ADCY10: variants seen among roughly 807,000 people sequenced by gnomAD.
ADCY10 encodes adenylate cyclase 10, also known as adenylate cyclase type 10.
In ADCY10, 156 loss-of-function variants were observed where a neutral mutation model predicts 183.3. The observed-to-expected ratio is 0.85, with a 90% CI of 0.75 to 0.97. The LOEUF (loss-of-function observed/expected upper bound fraction) is 0.97. Among genes scored for constraint, ADCY10 ranks in the 50% least tolerant of loss-of-function variants. The pLI is 0.00. For synonymous variants in ADCY10, 645 were observed against 670.0 expected, an observed-to-expected ratio of 0.96 and a Z score of 0.58; for missense variants, 1,745 against 1,934.3, an observed-to-expected ratio of 0.90 and a Z score of 1.84.
chr1:167,840,733 G>A (rs1664562953), intron 21 of ADCY10, among the ~76,000 whole-genome samples: 1 of 141,762 alleles, frequency 7.1e-6, no homozygotes. Flanking sequence ...ACTACAAGGA[G>A]AATCTGTAAA....
intron 3 of ADCY10, 45 bp from the exon 4 acceptor site, chr1:167,902,099 G>A (rs893947303): frequency 2.5e-6 from 4 of 1,570,538 alleles, no homozygotes; most frequent in Middle Eastern, 1.7e-4. Context: ...ATTCCTTAAA[G>A]GTAGTAAAAA....
intron 26 of ADCY10, among the ~76,000 whole-genome samples, chr1:167,827,906 T>G (rs116326077): frequency 0.043 from 6,530 of 151,662 alleles, 213 homozygotes; most frequent in East Asian, 0.15. Context: ...TAAAGATAGG[T>G]TTTCCCCATG....
At chr1:167,886,298 T>C (rs1376219557) in intron 8 of ADCY10, among the ~76,000 whole-genome samples, 1 of 152,090 alleles carries the variant, frequency 6.6e-6, no homozygotes, top group Non-Finnish European at 1.5e-5. Flanking sequence ...CTTCAAACTA[T>C]ACTACAAGGC....
At chr1:167,858,904 AT>A (rs869113654) in intron 16 of ADCY10, among the ~76,000 whole-genome samples, 1 of 112,510 alleles carries the variant, frequency 8.9e-6, no homozygotes, top group Non-Finnish European at 1.9e-5. Context: ...CCAGGAAAAA[AT>A]GATAAGAGCC....
intron 5 of ADCY10, among the ~76,000 whole-genome samples, chr1:167,899,948 T>G (rs549067857): frequency 2.0e-5 from 3 of 152,228 alleles, no homozygotes; most frequent in Non-Finnish European, 4.4e-5. Flanking sequence ...AGGGAATACC[T>G]TTAATAATTC....
chr1:167,813,897 A>G (rs1031407854), intron 31 of ADCY10, among the ~76,000 whole-genome samples: 9 of 152,262 alleles, frequency 5.9e-5, no homozygotes, highest in African/African-American at 1.7e-4. Context: ...AAAGGAGTGG[A>G]GTTCTTTGTG....
chr1:167,841,613 T>C (rs1427208933), intron 21 of ADCY10, among the ~76,000 whole-genome samples: 1 of 143,986 alleles, frequency 6.9e-6, no homozygotes, highest in Non-Finnish European at 1.5e-5. Flanking sequence ...GCTCAAGCAA[T>C]ACTCTTGAGT....
Position 167,828,055 on chromosome 1 carries a change from C to T in ADCY10, c.3750+1212G>A, listed in dbSNP as rs551311524. On this transcript the variant is annotated intron_variant, in intron 26 of 32. Coordinates refer to ENST00000367851, the MANE Select transcript of ADCY10 (RefSeq NM_018417.6). ...TTGTGACAGGAAAAATAGTGAAAGA[C>T]CTTAAAATGGGCAAAAACACAACTT... is the stretch of plus-strand genomic sequence containing the variant. Among the ~76,000 whole-genome samples, 7 of 152,254 alleles carry T rather than the reference C, an allele frequency of 4.6e-5. No individual in the cohort carries two copies. In the South Asian group the frequency reaches 1.2e-3, roughly 27 times the overall value.
At chr1:167,828,065 G>A (rs891264625) in intron 26 of ADCY10, among the ~76,000 whole-genome samples, 3 of 152,082 alleles carry the variant, frequency 2.0e-5, no homozygotes, top group African/African-American at 7.2e-5. Flanking sequence ...CCTTAAAATG[G>A]GCAAAAACAC....
chr1:167,870,182 A>G lies in ADCY10; in HGVS notation c.1616+75T>C, dbSNP rs74120520. 10,520 of 1,536,930 alleles carry G rather than the reference A, an allele frequency of 6.8e-3. 547 individuals are homozygous for G. In the African/African-American group the frequency reaches 0.12, roughly 18 times the overall value. Reference sequence around the variant, plus strand: ...ATAGATAATTTACATAAGGCAAGTTATAGGAAGGAGAGGAGCATCAAAATA... The same window carrying G: ...ATAGATAATTTACATAAGGCAAGTTGTAGGAAGGAGAGGAGCATCAAAATA... On this transcript the variant is annotated intron_variant, in intron 14 of 32. Coordinates refer to ENST00000367851, the MANE Select transcript of ADCY10 (RefSeq NM_018417.6).
intron 8 of ADCY10, among the ~76,000 whole-genome samples, chr1:167,891,439 G>A (rs1037349798): frequency 2.6e-5 from 4 of 151,652 alleles, no homozygotes; most frequent in Non-Finnish European, 2.9e-5. Flanking sequence ...GGAAGATCAC[G>A]AGGTCAGGAG....
Position 167,901,692 on chromosome 1 carries a change from C to G in ADCY10, c.406G>C (p.Glu136Gln). 6.2e-7 allele frequency: 1 copy of G among 1,614,158 alleles called. No individual in the cohort carries two copies. Among genetic ancestry groups the G allele is most frequent in the Non-Finnish European group, 8.5e-7 (1 of 1,180,024 alleles). Reference sequence around the variant, plus strand: ...TTGACTCGGATGTCTAGGCCTTCTTCCCACTCCTGGGTCTCAAACAATCCA... The same window carrying G: ...TTGACTCGGATGTCTAGGCCTTCTTGCCACTCCTGGGTCTCAAACAATCCA... ...IHGLFETQEW[E>Q]EGLDIRVKIG... The change falls in exon 5 of 33, where the codon GAA becomes CAA. Residue 136 changes from glutamate to glutamine, a missense_variant. Glu to Gln is a conservative substitution (Grantham distance 29). Coordinates refer to ENST00000367851, the MANE Select transcript of ADCY10 (RefSeq NM_018417.6).
At chr1:167,894,151 C>T (rs1403568794) in intron 7 of ADCY10, among the ~76,000 whole-genome samples, 1 of 152,154 alleles carries the variant, frequency 6.6e-6, no homozygotes, top group Non-Finnish European at 1.5e-5. Flanking sequence ...AAAATTCAGT[C>T]ACATGTAGCT....
At chr1:167,846,698 C>T (rs1558180304) in intron 19 of ADCY10, among the ~76,000 whole-genome samples, 1 of 152,176 alleles carries the variant, frequency 6.6e-6, no homozygotes, top group Non-Finnish European at 1.5e-5. Context: ...CCTGGTTTCT[C>T]TCTATCTGCC....
At chr1:167,811,571 G>C (rs1017711186) in intron 31 of ADCY10, among the ~76,000 whole-genome samples, 1 of 152,196 alleles carries the variant, frequency 6.6e-6, no homozygotes, top group Non-Finnish European at 1.5e-5. Flanking sequence ...TTGTGACAGA[G>C]TGAGACTCCA....
At position 167,861,904 on chromosome 1, in the gene ADCY10, G is replaced by C. The variant is rs374368546; in HGVS notation, c.1617-841C>G. ...TCTCATGAGATTTGATGGTTTAAAA[G>C]TTTGGCACTTCCTCCCTTGCTCGCT... On this transcript the variant is annotated intron_variant, in intron 14 of 32. Coordinates refer to ENST00000367851, the MANE Select transcript of ADCY10 (RefSeq NM_018417.6). 2.6e-5 allele frequency among the ~76,000 whole-genome samples: 4 copies of C among 152,252 alleles called. No homozygotes were observed. The East Asian group carries it at 7.7e-4, about 29-fold the overall frequency.
intron 25 of ADCY10, among the ~76,000 whole-genome samples, chr1:167,830,914 T>C (rs1260995990): frequency 6.6e-6 from 1 of 152,194 alleles, no homozygotes; most frequent in Non-Finnish European, 1.5e-5. Flanking sequence ...CTCACCTATC[T>C]GTGACCTGGA....
chr1:167,828,886 C>T (rs576625275), intron 26 of ADCY10, among the ~76,000 whole-genome samples: 15 of 152,134 alleles, frequency 9.9e-5, no homozygotes, highest in African/African-American at 2.4e-4. Context: ...CTCTTGAACC[C>T]GGGAAGTGGA....
Position 167,860,954 on chromosome 1 carries a change from G to C in ADCY10, c.1726C>G (p.Arg576Gly). 7 of 1,614,088 alleles carry C rather than the reference G, an allele frequency of 4.3e-6. No individual in the cohort carries two copies. The highest frequency in any genetic ancestry group is 5.9e-6 in the Non-Finnish European group (7 of 1,180,004). The part of the protein sequence containing the change: ...GLDTCKHYKE[R>G]QTNLRNKVMT... ...ACTTTATTTCGAAGGTTGGTCTGTC[G>C]TTCTTTATAATGTTTACAAGTGTCT... Residue 576 changes from arginine (R) to glycine (G), a missense_variant, in exon 15 of 33, where the codon CGA becomes GGA. By Grantham distance (125) the Arg-to-Gly change is moderately radical. Transcript: ENST00000367851.
Sources: gnomAD v4.1 joint callset for allele counts (sites outside exome capture counted in the v4.1 genomes callset) on GRCh38, gnomAD v4.1.1 for gene constraint, MANE v1.5 for transcripts, NCBI Gene and HGNC (gene_info 2026-07-23, HGNC 2026-07-21) for gene names.